The following DTL variants were observed in gnomAD, a reference collection of about 807,000 sequenced individuals.
DTL encodes denticleless protein homolog.
DTL carries 46 observed loss-of-function variants against 87.0 expected under a neutral mutation model. The ratio of observed to expected loss-of-function variants is 0.53; its 90% confidence interval spans 0.42 to 0.68. DTL has a LOEUF of 0.68. Among genes scored for constraint, DTL ranks in the 30% least tolerant of loss-of-function variants. The pLI is 0.00. For missense variants in DTL, 737 were observed against 869.4 expected, an observed-to-expected ratio of 0.85 and a Z score of 1.91; for synonymous variants, 308 against 311.2, an observed-to-expected ratio of 0.99 and a Z score of 0.11.
intron 5 of DTL, among the ~76,000 whole-genome samples, chr1:212,051,018 T>A (rs1007580879): frequency 1.3e-5 from 2 of 152,070 alleles, no homozygotes; most frequent in Non-Finnish European, 2.9e-5. Flanking sequence ...CCTTCTGTCC[T>A]TCTCTTTATT....
At chr1:212,082,862 C>A (rs1236411565) in intron 13 of DTL, among the ~76,000 whole-genome samples, 1 of 152,080 alleles carries the variant, frequency 6.6e-6, no homozygotes, top group Admixed American at 6.5e-5. Context: ...CAACTTGAGG[C>A]TAGCAATAAT....
intron 13 of DTL, 52 bp downstream of exon 13, chr1:212,080,802 C>T (rs568964992): frequency 2.6e-5 from 42 of 1,587,684 alleles, no homozygotes; most frequent in African/African-American, 6.8e-5. Flanking sequence ...TAGTTTAGTC[C>T]GACAGTACAG....
At chr1:212,097,034 A>C (rs905454439) in intron 13 of DTL, among the ~76,000 whole-genome samples, 1 of 152,338 alleles carries the variant, frequency 6.6e-6, no homozygotes, top group East Asian at 1.9e-4. Flanking sequence ...TTTGTAAACT[A>C]TGCTGGCTTG....
At chr1:212,079,042 C>T (rs955987546) in intron 12 of DTL, among the ~76,000 whole-genome samples, 2 of 152,022 alleles carry the variant, frequency 1.3e-5, no homozygotes, top group African/African-American at 4.8e-5. Context: ...TTTTTATCTT[C>T]CAGAAACTTC....
chr1:212,092,263 A>G (rs973096816), intron 13 of DTL, among the ~76,000 whole-genome samples: 1 of 152,172 alleles, frequency 6.6e-6, no homozygotes, highest in Admixed American at 6.5e-5. Flanking sequence ...GGCCAGGCGC[A>G]GTGGCTCATG....
intron 6 of DTL, among the ~76,000 whole-genome samples, chr1:212,063,858 AAC>A (rs368253655): frequency 6.6e-6 from 1 of 151,728 alleles, no homozygotes; most frequent in Non-Finnish European, 1.5e-5. Flanking sequence ...TTGTGTTGGG[AAC>A]ATTACAATTC....
At chr1:212,089,541 A>G (rs556531940) in intron 13 of DTL, among the ~76,000 whole-genome samples, 4 of 152,282 alleles carry the variant, frequency 2.6e-5, no homozygotes, top group Non-Finnish European at 5.9e-5. Flanking sequence ...TGAAAAGAGG[A>G]TCCTGTTTCC....
intron 10 of DTL, among the ~76,000 whole-genome samples, chr1:212,069,841 G>A (rs1654619512): frequency 2.6e-5 from 4 of 152,108 alleles, no homozygotes; most frequent in Admixed American, 2.6e-4. Context: ...ACCATGCCCG[G>A]CCCAGAACTT....
rs115220015 is a variant in DTL, at chr1:212,092,912, C to T, written c.1262-7340C>T. ...GTGTAAAAGTGTTCCCTTTCCACCA[C>T]ATCCACCCCAATGATGGCCATTCTT... is the stretch of plus-strand genomic sequence containing the variant. On this transcript the variant is annotated intron_variant, in intron 13 of 14. Transcript: ENST00000366991. Among the ~76,000 whole-genome samples the T allele has an allele frequency of 3.7e-3, 569 of 152,272 alleles. 5 individuals are homozygous for T. Among genetic ancestry groups the T allele is most frequent in the African/African-American group, 0.013 (533 of 41,548 alleles).
At chr1:212,047,659 C>T (rs775063353) in intron 5 of DTL, among the ~76,000 whole-genome samples, 3 of 152,176 alleles carry the variant, frequency 2.0e-5, no homozygotes, top group South Asian at 2.1e-4. Context: ...CGTCAGCCTC[C>T]GGAGTAGCTG....
chr1:212,074,279 G>A (rs1446285931), intron 11 of DTL, among the ~76,000 whole-genome samples: 1 of 147,854 alleles, frequency 6.8e-6, no homozygotes, highest in African/African-American at 2.5e-5. Flanking sequence ...TGTGTATCTT[G>A]TGTAAAGTTT....
rs1350112126 is a variant in DTL, at chr1:212,073,959, C to T, written c.1035+1746C>T. Reference sequence around the variant, plus strand: ...CTTTCTTCTTTGCTCACTGTCTTGCCTATGTTTCCTTCTCCACTTTGGCTC... The same window carrying T: ...CTTTCTTCTTTGCTCACTGTCTTGCTTATGTTTCCTTCTCCACTTTGGCTC... On this transcript the variant is annotated intron_variant, in intron 11 of 14. Coordinates refer to ENST00000366991, the MANE Select transcript of DTL (RefSeq NM_016448.4). Among the ~76,000 whole-genome samples, 2 of 151,756 alleles carry T rather than the reference C, an allele frequency of 1.3e-5. 1 individual carries two copies. The highest frequency in any genetic ancestry group is 4.2e-4 in the South Asian group (2 of 4,818).
chr1:212,047,183 C>T lies in DTL; in HGVS notation c.310C>T (p.Leu104=). The T allele has an allele frequency of 6.2e-7, 1 of 1,614,136 alleles. No homozygotes were observed. Among genetic ancestry groups the T allele is most frequent in the Non-Finnish European group, 8.5e-7 (1 of 1,180,012 alleles). ...WMAHWNAVFD[L]AWVPGELKLV... is the part of the protein sequence containing the mutation. ...GGCTCACTGGAATGCCGTCTTTGAC[C>T]TGGCCTGGGTTCCTGGTGAACTTAA... Residue 104 remains leucine, a synonymous_variant, in exon 4 of 15, where the codon CTG becomes TTG. Coordinates refer to ENST00000366991, the MANE Select transcript of DTL (RefSeq NM_016448.4).
intron 5 of DTL, among the ~76,000 whole-genome samples, chr1:212,047,998 A>T (rs3010021): frequency 0.033 from 5,076 of 152,302 alleles, 93 homozygotes; most frequent in South Asian, 0.047. Flanking sequence ...AACAGCTACA[A>T]TACCATTGTT....
intron 1 of DTL, among the ~76,000 whole-genome samples, chr1:212,037,230 C>G (rs757954578): frequency 2.0e-5 from 3 of 152,174 alleles, no homozygotes; most frequent in Non-Finnish European, 4.4e-5. Flanking sequence ...CCTAATTCTC[C>G]ATGTGTTTAC....
rs112443470 is a variant in DTL at position 212,067,118 on chromosome 1, A to G, written c.713+233A>G. On this transcript the variant is annotated intron_variant, in intron 8 of 14. Coordinates refer to ENST00000366991, the MANE Select transcript of DTL (RefSeq NM_016448.4). The stretch of plus-strand genomic sequence containing the variant: ...TCACGCTTAGCACATTGTCTAGCAC[A>G]TAAGAGCAGTGGTAGCTGCTGTTGC... Among the ~76,000 whole-genome samples, 1,041 of 152,382 alleles carry G rather than the reference A, an allele frequency of 6.8e-3. 16 individuals carry two copies. The highest frequency in any genetic ancestry group is 0.023 in the African/African-American group (971 of 41,600).
At chr1:212,063,049 A>C (rs963727190) in intron 6 of DTL, 100 bp downstream of exon 6, 11 of 865,494 alleles carry the variant, frequency 1.3e-5, no homozygotes, top group Admixed American at 4.1e-5. Flanking sequence ...ACCAGGGGGC[A>C]TGTACTCATA....
At chr1:212,055,177 A>AGAATATGAAT (rs1668129753) in intron 5 of DTL, among the ~76,000 whole-genome samples, 1 of 152,198 alleles carries the variant, frequency 6.6e-6, no homozygotes. Context: ...GGAAGGAGAG[A>AGAATATGAAT]AAAGTAAAGC....
chr1:212,100,178 T>A, intron 13 of DTL, 74 bp from the exon 14 acceptor site: 1 of 1,203,518 alleles, frequency 8.3e-7, no homozygotes, highest in East Asian at 2.4e-5. Flanking sequence ...TTAGCTATGA[T>A]TTTTCTTGAT....
Sources: allele counts gnomAD v4.1 joint callset (sites outside exome capture counted in the v4.1 genomes callset), GRCh38; gene constraint gnomAD v4.1.1; transcripts MANE v1.5; gene names NCBI Gene and HGNC (gene_info 2026-07-23, HGNC 2026-07-21).